ZSCAN5A: variants seen among roughly 807,000 people sequenced by gnomAD.
ZSCAN5A encodes the protein zinc finger and SCAN domain containing 5A.
A neutral mutation model predicts 23.7 loss-of-function variants in ZSCAN5A; 12 were observed. The ratio of observed to expected loss-of-function variants is 0.51; its 90% CI spans 0.32 to 0.82. The LOEUF is 0.82. ZSCAN5A is among the 40% of genes least tolerant of loss of function. ZSCAN5A has a pLI of 0.03. For synonymous variants in ZSCAN5A, 257 were observed against 239.9 expected (o/e 1.07, Z -0.66); for missense variants, 597 against 617.9 (o/e 0.97, Z 0.36).
rs1600299658 is a variant in ZSCAN5A at position 56,351,874 on chromosome 19, TG to T, written c.-358+11360del. Among the ~76,000 whole-genome samples, 1 of 152,204 alleles carries T rather than the reference TG, an allele frequency of 6.6e-6. No homozygotes were observed. Among genetic ancestry groups the T allele is most frequent in the Admixed American group, 6.5e-5 (1 of 15,290 alleles). On this transcript the variant is annotated intron_variant, in intron 2 of 6. Transcript: ENST00000587340. This position sits in a 1 kb window ranked among gnomAD's most constrained non-coding sequence, Gnocchi z 4.8. The stretch of plus-strand genomic sequence containing the variant: ...TCTTTAGATGGCTGGTGGATCTATC[TG>T]GATTGAAGGGATTCCTTTTCCCAGC...
rs141510271 is a variant in ZSCAN5A, at chr19:56,296,776, G to C, written c.-128+16507C>G. Among the ~76,000 whole-genome samples the C allele has an allele frequency of 4.7e-3, 717 of 152,322 alleles. 10 individuals carry two copies. The highest frequency in any genetic ancestry group is 0.016 in the African/African-American group (683 of 41,580). On this transcript the variant is annotated intron_variant, in intron 2 of 5. Transcript: ENST00000683990. ...TGGCTGGGCATGGTGGCTCATGCCT[G>C]TAATCCCAGCACTTTGGGAGGCCGA...
intron 2 of ZSCAN5A, among the ~76,000 whole-genome samples, chr19:56,266,021 C>A (rs2037445093): frequency 6.6e-6 from 1 of 152,160 alleles, no homozygotes; most frequent in African/African-American, 2.4e-5. Context: ...AACAAGTTCA[C>A]AAATGTCAAT....
rs144090280 is a variant in ZSCAN5A at position 56,269,582 on chromosome 19, T to G, written c.-128+43701A>C. ...ATGTAATCACAAAGGATCTTGTAAG[T>G]GAAAGAGGGAGGGAAATGGGTAACA... On this transcript the variant is annotated intron_variant, in intron 2 of 5. Transcript: ENST00000683990. Among the ~76,000 whole-genome samples, 341 of 152,026 alleles carry G rather than the reference T, an allele frequency of 2.2e-3. 2 individuals carry two copies. Among genetic ancestry groups the G allele is most frequent in the African/African-American group, 7.7e-3 (321 of 41,450 alleles).
intron 2 of ZSCAN5A, among the ~76,000 whole-genome samples, chr19:56,251,148 T>TCAA (rs1555797367): frequency 0.011 from 1,423 of 131,018 alleles, 20 homozygotes; most frequent in African/African-American, 0.037. Context: ...AGACTCCGTG[T>TCAA]AAAAAAAAAA....
At position 56,321,640 on chromosome 19, in the gene ZSCAN5A, G is replaced by A. The variant is rs559433701; in HGVS notation, c.-357-5372C>T. 39 of 915,896 alleles carry A rather than the reference G, an allele frequency of 4.3e-5. 1 individual carries two copies. The highest frequency in any genetic ancestry group is 2.1e-4 in the South Asian group (16 of 77,130). 56.7% of individuals were successfully genotyped at this position (915,896 alleles called of 1,614,324 possible). A position where few individuals can be genotyped will look rare whatever the true frequency, so the allele number is the denominator to read the frequency against. ...CAATGGCAAGGTTCATCCATGCATC[G>A]TTATGTCGTCCATCATAGTAGACAA... On this transcript the variant is annotated intron_variant, in intron 2 of 6. Transcript: ENST00000587340.
intron 2 of ZSCAN5A, among the ~76,000 whole-genome samples, chr19:56,323,644 C>T (rs2041404445): frequency 6.7e-6 from 1 of 150,076 alleles, no homozygotes; most frequent in African/African-American, 2.5e-5. Context: ...TCAAGCGATT[C>T]TCCTGCCTCA....
intron 2 of ZSCAN5A, among the ~76,000 whole-genome samples, chr19:56,227,164 T>G (rs1017453832): frequency 2.6e-5 from 4 of 152,206 alleles, no homozygotes; most frequent in African/African-American, 9.7e-5. Context: ...AAAAATTAGA[T>G]TTCAAGTATT....
intron 2 of ZSCAN5A, among the ~76,000 whole-genome samples, chr19:56,300,599 G>A (rs563996204): frequency 4.6e-5 from 7 of 152,312 alleles, no homozygotes; most frequent in African/African-American, 1.4e-4. Context: ...AAAAAGATTA[G>A]TGTAAACGTT....
chr19:56,269,980 G>A (rs534015260), intron 2 of ZSCAN5A, among the ~76,000 whole-genome samples: 2 of 152,156 alleles, frequency 1.3e-5, no homozygotes, highest in Non-Finnish European at 2.9e-5. Flanking sequence ...GCCAGCCGTA[G>A]TGTGGTGGGG....
intron 2 of ZSCAN5A, among the ~76,000 whole-genome samples, chr19:56,308,331 C>CTTTTT (rs543582885): frequency 1.4e-5 from 2 of 144,668 alleles, no homozygotes; most frequent in African/African-American, 2.6e-5. Flanking sequence ...GGCTCCCAGT[C>CTTTTT]TTTTTTTTTT....
intron 2 of ZSCAN5A, among the ~76,000 whole-genome samples, chr19:56,273,353 T>C (rs1029749567): frequency 6.6e-6 from 1 of 152,176 alleles, no homozygotes; most frequent in Admixed American, 6.5e-5. Flanking sequence ...AAAGAGTATA[T>C]TGGGAAGAGG....
chr19:56,245,537 T>C, intron 2 of ZSCAN5A: 1 of 348,452 alleles, frequency 2.9e-6, no homozygotes, highest in Non-Finnish European at 5.2e-6. Flanking sequence ...AACAGAGACA[T>C]TCCCCATGGA....
intron 2 of ZSCAN5A, among the ~76,000 whole-genome samples, chr19:56,307,227 C>T (rs1202129414): frequency 1.3e-5 from 2 of 152,188 alleles, no homozygotes; most frequent in East Asian, 3.9e-4. Context: ...CCCACGTCGC[C>T]TGCCTTTCAT....
At chr19:56,248,532 G>A (rs1455094810) in intron 2 of ZSCAN5A, among the ~76,000 whole-genome samples, 7 of 152,140 alleles carry the variant, frequency 4.6e-5, no homozygotes, top group South Asian at 4.1e-4. Context: ...GTGCTATTAC[G>A]GGTGTGAGCC....
rs553878628 is a variant in ZSCAN5A, at chr19:56,301,768, TC to T, written c.-128+11514del. 1.7e-3 allele frequency among the ~76,000 whole-genome samples: 265 copies of T among 151,984 alleles called. 1 individual carries two copies. Among genetic ancestry groups the T allele is most frequent in the Non-Finnish European group, 3.3e-3 (221 of 67,948 alleles). On this transcript the variant is annotated intron_variant, in intron 2 of 5. Coordinates refer to ENST00000683990, the MANE Select transcript of ZSCAN5A (RefSeq NM_001322064.3). ...GTGAGGTGGGAGAGCCAAAAGGCAT[TC>T]CTGACTGTTTGTCTGGAGTATGGTG...
chr19:56,259,696 G>A (rs150247148), intron 2 of ZSCAN5A, among the ~76,000 whole-genome samples: 3 of 152,342 alleles, frequency 2.0e-5, no homozygotes, highest in Non-Finnish European at 4.4e-5. Flanking sequence ...AAAGTTGACC[G>A]GGCACGGTGG....
chr19:56,360,052 C>T (rs912718815), intron 2 of ZSCAN5A, among the ~76,000 whole-genome samples: 5 of 152,076 alleles, frequency 3.3e-5, no homozygotes, highest in Non-Finnish European at 5.9e-5. Context: ...TTATTCAACA[C>T]AGTATTGGAA....
At chr19:56,321,113 T>TA (rs1445077356) in intron 2 of ZSCAN5A, 25 of 685,488 alleles carry the variant, frequency 3.6e-5, no homozygotes, top group Non-Finnish European at 2.8e-5. Flanking sequence ...AGGGGACGGA[T>TA]ACTGCTCCAC....
intron 2 of ZSCAN5A, among the ~76,000 whole-genome samples, chr19:56,240,118 C>T (rs1160434093): frequency 2.0e-5 from 3 of 151,852 alleles, no homozygotes; most frequent in Middle Eastern, 3.4e-3. Context: ...GCCGAGATCA[C>T]GCCACTGAAC....
Sources: gnomAD v4.1 joint callset for allele counts (sites outside exome capture counted in the v4.1 genomes callset) on GRCh38, gnomAD v4.1.1 for gene constraint, Gnocchi (gnomAD v3.1) non-coding constraint, MANE v1.5 for transcripts, NCBI Gene and HGNC (gene_info 2026-07-23, HGNC 2026-07-21) for gene names.